IRAG2: variants seen among roughly 807,000 people sequenced by gnomAD.
IRAG2 encodes inositol 1,4,5-triphosphate receptor associated 2.
In IRAG2, 45 loss-of-function variants were observed where a neutral mutation model predicts 69.9. That is an observed-to-expected ratio of 0.64 (90% CI 0.51 to 0.83). The LOEUF is 0.83. Among genes scored for constraint, IRAG2 ranks in the 40% least tolerant of loss-of-function variants. The probability of loss-of-function intolerance (pLI) is 0.00; values close to 1 mark genes in which losing one functional copy is unlikely to be tolerated. For missense variants in IRAG2, 520 were observed against 587.0 expected, an observed-to-expected ratio of 0.89 and a Z score of 1.18; for synonymous variants, 193 against 202.4, an observed-to-expected ratio of 0.95 and a Z score of 0.40.
chr12:25,076,711 C>T (rs1344624826), intron 6 of IRAG2: 8 of 583,986 alleles, frequency 1.4e-5, no homozygotes, highest in Middle Eastern at 8.5e-4. Context: ...AATGTTATTT[C>T]ATGCTACAGA....
chr12:25,090,245 C>A lies in IRAG2; in HGVS notation c.606+48C>A, dbSNP rs1343481628. The A allele has an allele frequency of 1.1e-5, 17 of 1,556,868 alleles. No individual in the cohort carries two copies. The Admixed American group carries it at 2.9e-4, about 27-fold the overall frequency. On this transcript the variant is annotated intron_variant, in intron 14 of 21. Coordinates refer to ENST00000556887, the MANE Select transcript of IRAG2 (RefSeq NM_001366544.2). ...TATAAACATTTGGTCTAGCCAGGCA[C>A]AGTGGCTCACACCTATAATCCCTGC...
At chr12:25,053,724 A>T (rs563704575) in intron 1 of IRAG2, among the ~76,000 whole-genome samples, 1 of 151,722 alleles carries the variant, frequency 6.6e-6, no homozygotes, top group Non-Finnish European at 1.5e-5. Context: ...CAGTATAAAT[A>T]TTCTTTTTAT....
At chr12:25,091,828 T>C (rs981450425) in intron 14 of IRAG2, among the ~76,000 whole-genome samples, 1 of 152,242 alleles carries the variant, frequency 6.6e-6, no homozygotes, top group Admixed American at 6.5e-5. Flanking sequence ...GGTATCTTAT[T>C]GTGGTTTGGT....
At chr12:25,003,751 A>G (rs1324063085), upstream of IRAG2, among the ~76,000 whole-genome samples, 3 of 152,192 alleles carry the variant, frequency 2.0e-5, no homozygotes, top group African/African-American at 7.2e-5. Context: ...ATTTCCACAC[A>G]GCTGATAGGG....
intron 12 of IRAG2, among the ~76,000 whole-genome samples, chr12:25,032,575 C>T (rs1944676204): frequency 6.6e-6 from 1 of 152,164 alleles, no homozygotes; most frequent in Admixed American, 6.5e-5. Flanking sequence ...GACAAAATAC[C>T]ATAGACTGTG....
At chr12:25,095,390 A>C (rs1249139726) in intron 14 of IRAG2, among the ~76,000 whole-genome samples, 1 of 152,092 alleles carries the variant, frequency 6.6e-6, no homozygotes, top group Non-Finnish European at 1.5e-5. Flanking sequence ...CTTCTGCATC[A>C]GTTGAAATGA....
intron 10 of IRAG2, among the ~76,000 whole-genome samples, chr12:25,085,215 C>T (rs999127446): frequency 2.0e-5 from 3 of 152,240 alleles, no homozygotes; most frequent in Admixed American, 6.5e-5. Flanking sequence ...CCTGAGCTGT[C>T]GCTCAGTGTC....
chr12:25,041,955 C>CTGTG (rs59225610), intron 16 of IRAG2, among the ~76,000 whole-genome samples: 2,131 of 148,440 alleles, frequency 0.014, 28 homozygotes, highest in African/African-American at 0.034. Flanking sequence ...TTTGTTTCAG[C>CTGTG]TGTGTGTGTG....
At chr12:25,100,873 T>C (rs572503480) in intron 15 of IRAG2, 26 of 195,332 alleles carry the variant, frequency 1.3e-4, no homozygotes, top group Non-Finnish European at 2.0e-4. Flanking sequence ...TCTGTTCACA[T>C]ACCCACCATC....
At chr12:25,011,398 A>G in exon 3 of IRAG2, 14 of 1,231,694 alleles carry the variant, frequency 1.1e-5, no homozygotes, top group Admixed American at 4.2e-5. Flanking sequence ...AAAATAATCA[A>G]TTTCCTGAGA....
chr12:25,053,757 A>G (rs560934191), intron 1 of IRAG2, among the ~76,000 whole-genome samples: 2 of 151,438 alleles, frequency 1.3e-5, no homozygotes, highest in East Asian at 3.9e-4. Context: ...GGTTTGAGAA[A>G]TAAACATTGT....
chr12:25,036,181 A>G (rs1472379137), intron 14 of IRAG2, among the ~76,000 whole-genome samples: 1 of 152,136 alleles, frequency 6.6e-6, no homozygotes, highest in Non-Finnish European at 1.5e-5. Flanking sequence ...AGAGAACAAT[A>G]TTTTCATACT....
intron 3 of IRAG2, among the ~76,000 whole-genome samples, chr12:25,013,315 A>G (rs1944491950): frequency 6.6e-6 from 1 of 152,142 alleles, no homozygotes; most frequent in South Asian, 2.1e-4. Context: ...TGTCTCTACA[A>G]AAAAATTTTA....
intron 4 of IRAG2, among the ~76,000 whole-genome samples, chr12:25,065,451 T>C (rs1188371001): frequency 6.6e-6 from 1 of 152,232 alleles, no homozygotes; most frequent in African/African-American, 2.4e-5. Flanking sequence ...CATAACAAGA[T>C]GGTTTTCCCT....
In IRAG2 at chr12:25,029,858, T is replaced by C. The variant is rs1052722407; in HGVS notation, c.1462-420T>C. On this transcript the variant is annotated intron_variant, in intron 9 of 38. Transcript: ENST00000636465. Reference sequence around the variant, plus strand: ...GCCATGCCAGGCTAAACTATGTTTTTAAAAGGGGAAGAGTCTTCTATGTGT... The same window carrying C: ...GCCATGCCAGGCTAAACTATGTTTTCAAAAGGGGAAGAGTCTTCTATGTGT... 2.6e-5 allele frequency among the ~76,000 whole-genome samples: 4 copies of C among 152,334 alleles called. No individual in the cohort carries two copies. The East Asian group carries it at 7.7e-4, about 29-fold the overall frequency.
chr12:25,057,321 G>A (rs1945329494), intron 1 of IRAG2, among the ~76,000 whole-genome samples: 1 of 142,372 alleles, frequency 7.0e-6, no homozygotes, highest in Middle Eastern at 3.9e-3. Context: ...TATGGTGGTG[G>A]GATCATGGCT....
At chr12:25,061,969 G>C (rs1438629860) in intron 2 of IRAG2, among the ~76,000 whole-genome samples, 1 of 152,164 alleles carries the variant, frequency 6.6e-6, no homozygotes, top group Non-Finnish European at 1.5e-5. Context: ...CTTTCTGATA[G>C]TAAGGGCATA....
upstream of IRAG2, chr12:25,052,445 A>C (rs1215257789): frequency 7.6e-5 from 30 of 394,716 alleles, no homozygotes; most frequent in Middle Eastern, 6.4e-4. Context: ...ACAACAACAA[A>C]CAAAAAAAAA....
chr12:25,074,177 A>G (rs1946518326), intron 6 of IRAG2, among the ~76,000 whole-genome samples: 1 of 152,234 alleles, frequency 6.6e-6, no homozygotes, highest in Admixed American at 6.5e-5. Flanking sequence ...ACACACACAA[A>G]TACTTTACAT....
Sources: gnomAD v4.1 joint callset for allele counts (sites outside exome capture counted in the v4.1 genomes callset) on GRCh38, gnomAD v4.1.1 for gene constraint, MANE v1.5 for transcripts, NCBI Gene and HGNC (gene_info 2026-07-23, HGNC 2026-07-21) for gene names.